The following A2M variants were observed in gnomAD, a reference collection of about 807,000 sequenced individuals.
A2M encodes C3 and PZP-like alpha-2-macroglobulin domain-containing protein 5.
A neutral mutation model predicts 183.9 loss-of-function variants in A2M; 128 were observed. That is an observed-to-expected ratio of 0.70 (90% CI 0.60 to 0.81). The LOEUF (loss-of-function observed/expected upper bound fraction) is 0.81, where lower values mean the gene tolerates loss of function less well. Ranked by LOEUF, A2M falls within the 30% of genes least tolerant of loss-of-function variation. A2M has a pLI of 0.00. For synonymous variants in A2M, 592 were observed against 670.8 expected (o/e 0.88, Z 1.81); for missense variants, 1,495 against 1,787.6 (o/e 0.84, Z 2.95).
intron 31 of A2M, 37 bp from the exon 32 acceptor site, chr12:9,070,615 GT>G (rs1479559202): frequency 1.4e-6 from 2 of 1,457,054 alleles, no homozygotes; most frequent in Non-Finnish European, 1.9e-6. Context: ...AGGGTTTTCT[GT>G]GTTTTTAAAT....
At chr12:9,091,667 T>G in intron 18 of A2M, among the ~76,000 whole-genome samples, 1 of 152,224 alleles carries the variant, frequency 6.6e-6, no homozygotes, top group East Asian at 1.9e-4. Flanking sequence ...AGTTATAAAT[T>G]TAACATGCAG....
intron 24 of A2M, 145 bp downstream of exon 24, chr12:9,079,494 G>T: frequency 9.7e-7 from 1 of 1,029,140 alleles, no homozygotes; most frequent in Non-Finnish European, 1.4e-6. Context: ...GTTGGAGAGT[G>T]GATAGTTTCC....
chr12:9,091,824 C>G (rs1014223999), intron 18 of A2M, among the ~76,000 whole-genome samples: 1 of 152,208 alleles, frequency 6.6e-6, no homozygotes, highest in African/African-American at 2.4e-5. Context: ...GGATCTCTTA[C>G]AGGCAATCTG....
intron 14 of A2M, 103 bp from the exon 15 acceptor site, chr12:9,098,859 T>A: frequency 1.5e-6 from 2 of 1,326,654 alleles, no homozygotes; most frequent in Non-Finnish European, 2.1e-6. Context: ...ATAACCACTC[T>A]GCTTGACTTC....
At chr12:9,077,540 G>T in intron 26 of A2M, 120 bp from the exon 27 acceptor site, 8 of 1,451,862 alleles carry the variant, frequency 5.5e-6, no homozygotes, top group Non-Finnish European at 6.6e-6. Context: ...ATAGGGCAAA[G>T]TATCACAATC....
chr12:9,111,928 T>C, intron 4 of A2M: 1 of 670,090 alleles, frequency 1.5e-6, no homozygotes, highest in Non-Finnish European at 2.8e-6. Context: ...ATCCGAAAAG[T>C]AAATTTAATT....
chr12:9,072,248 T>C, intron 31 of A2M, 111 bp downstream of exon 31: 1 of 1,289,130 alleles, frequency 7.8e-7, no homozygotes, highest in African/African-American at 1.5e-5. Flanking sequence ...CATTGCATTT[T>C]TTGTGAATAG....
chr12:9,070,879 G>A (rs1948552927), intron 31 of A2M, among the ~76,000 whole-genome samples: 1 of 151,442 alleles, frequency 6.6e-6, no homozygotes, highest in African/African-American at 2.4e-5. Context: ...GGAGTGCAAT[G>A]GCATGATTTC....
intron 28 of A2M, among the ~76,000 whole-genome samples, chr12:9,076,408 A>G (rs1948749284): frequency 6.6e-6 from 1 of 152,248 alleles, no homozygotes; most frequent in Non-Finnish European, 1.5e-5. Context: ...TCACATAGGT[A>G]GCACATTTTG....
rs776112732 is a variant in A2M, at chr12:9,113,427, CT to C, written c.202del (p.Arg68GlyfsTer33). On this transcript the variant is annotated frameshift_variant, in exon 2 of 36. Coordinates refer to ENST00000318602, the MANE Select transcript of A2M (RefSeq NM_000014.6). LOFTEE classifies it high-confidence loss of function. Reference sequence around the variant, plus strand: ...GTCAGTGAAGAGGCTCCTGTTTCCCCTGACAGACTCCAAGGAAGCACTTACA... The same window carrying C: ...GTCAGTGAAGAGGCTCCTGTTTCCCCGACAGACTCCAAGGAAGCACTTACA... ...VTVSASLESVRGNRSLFTDLE... is the reference protein window; with the variant it reads ...VTVSASLESVXGNRSLFTDLE... 7 of 1,613,738 alleles carry C rather than the reference CT, an allele frequency of 4.3e-6. No homozygotes were observed. Among genetic ancestry groups the C allele is most frequent in the Non-Finnish European group, 5.9e-6 (7 of 1,179,952 alleles).
chr12:9,093,532 C>T lies in A2M; in HGVS notation c.2173G>A (p.Glu725Lys). Reference sequence around the variant, plus strand: ...TTTCGTACGGTCTCCGTGTGAGGCTCTTCAACATGCACCAGGCGTGCATGG... The same window carrying T: ...TTTCGTACGGTCTCCGTGTGAGGCTTTTCAACATGCACCAGGCGTGCATGG... ...RGHARLVHVE[E>K]PHTETVRKYF... is the part of the protein sequence containing the mutation. The change falls in exon 18 of 36, where the codon GAG becomes AAG. Residue 725 changes from glutamate (E) to lysine (K), a missense_variant. Coordinates refer to ENST00000318602, the MANE Select transcript of A2M (RefSeq NM_000014.6). 6.2e-7 allele frequency: 1 copy of T among 1,613,032 alleles called. No individual in the cohort carries two copies. Among genetic ancestry groups the T allele is most frequent in the Non-Finnish European group, 8.5e-7 (1 of 1,179,478 alleles).
intron 13 of A2M, among the ~76,000 whole-genome samples, chr12:9,100,109 C>CA (rs1331518325): frequency 6.6e-6 from 1 of 152,074 alleles, no homozygotes; most frequent in Non-Finnish European, 1.5e-5. Context: ...GAGCAACCTT[C>CA]AAAGGTTTAT....
At chr12:9,116,227 T>G (rs149666200), upstream of A2M, 5 of 289,726 alleles carry the variant, frequency 1.7e-5, no homozygotes, top group South Asian at 7.1e-5. Context: ...ACATCTCTTG[T>G]ATGAATAGCT....
At chr12:9,080,378 A>G (rs139021922) in intron 22 of A2M, 383 of 381,536 alleles carry the variant, frequency 1.0e-3, no homozygotes, top group Non-Finnish European at 1.5e-3. Flanking sequence ...TTCTTCTTCA[A>G]TGATCTTTTC....
In A2M at chr12:9,112,359, C is replaced by T. The variant is rs757957545; in HGVS notation, c.430+18G>A. 2 of 1,610,720 alleles carry T rather than the reference C, an allele frequency of 1.2e-6. No individual in the cohort carries two copies. The highest frequency in any genetic ancestry group is 1.7e-6 in the Non-Finnish European group (2 of 1,177,406). On this transcript the variant is annotated intron_variant, in intron 3 of 35. Transcript: ENST00000318602. ...TCTTTCCTTTTTGAAGTTGTCCTGT[C>T]TGTAGGCTTCTTCATACCTGTCTGC...
intron 15 of A2M, among the ~76,000 whole-genome samples, chr12:9,097,281 T>C (rs1437902063): frequency 6.6e-6 from 1 of 152,026 alleles, no homozygotes; most frequent in East Asian, 1.9e-4. Flanking sequence ...GTAAGAAACA[T>C]TTTTTTATAA....
intron 4 of A2M, chr12:9,111,633 T>C: frequency 2.4e-6 from 1 of 418,110 alleles, no homozygotes; most frequent in Non-Finnish European, 4.7e-6. Context: ...AAGAGTTGCC[T>C]CTTTTTGAGA....
rs772244567 is a variant in A2M, at chr12:9,095,513, G to A, written c.2013+26C>T. 1.9e-6 allele frequency: 3 copies of A among 1,597,750 alleles called. No individual in the cohort carries two copies. The Admixed American group carries it at 5.1e-5, about 27-fold the overall frequency. ...TAATATTTTAAGAAGCTTAAGATCA[G>A]ACCATCTGCAACATAAGGAGTTTAC... On this transcript the variant is annotated intron_variant, in intron 16 of 35. Coordinates refer to ENST00000318602, the MANE Select transcript of A2M (RefSeq NM_000014.6).
At chr12:9,077,002 T>C in intron 27 of A2M, 66 bp from the exon 28 acceptor site, 3 of 1,444,858 alleles carry the variant, frequency 2.1e-6, no homozygotes, top group Non-Finnish European at 2.8e-6. Context: ...CCCAGGCAAA[T>C]ACACGGATCA....
Sources: gnomAD v4.1 joint callset for allele counts (sites outside exome capture counted in the v4.1 genomes callset) on GRCh38, gnomAD v4.1.1 for gene constraint, MANE v1.5 for transcripts, NCBI Gene and HGNC (gene_info 2026-07-23, HGNC 2026-07-21) for gene names.